ZNF365: variants seen among roughly 807,000 people sequenced by gnomAD.
ZNF365 encodes zinc finger protein 365, also known as protein ZNF365.
In ZNF365, 22 loss-of-function variants were observed where a neutral mutation model predicts 35.0. That is an observed-to-expected ratio of 0.63 (90% confidence interval 0.45 to 0.90). The LOEUF is 0.90. Among genes scored for constraint, ZNF365 ranks in the 40% least tolerant of loss-of-function variants. ZNF365 has a pLI of 0.00. For synonymous variants in ZNF365, 188 were observed against 196.2 expected (o/e 0.96, Z 0.35); for missense variants, 448 against 500.3 (o/e 0.90, Z 1.00).
chr10:62,400,347 T>C lies in ZNF365; in HGVS notation c.*558T>C. 1 of 986,558 alleles carries C rather than the reference T, an allele frequency of 1.0e-6. No homozygotes were observed. The highest frequency in any genetic ancestry group is 1.2e-6 in the Non-Finnish European group (1 of 830,354). The allele number at this position is 986,558 out of a possible 1,614,324, so 61.1% of individuals were successfully genotyped here. On this transcript the variant is annotated 3_prime_UTR_variant, in exon 5 of 5. Coordinates refer to ENST00000395254, the MANE Select transcript of ZNF365 (RefSeq NM_014951.3). ...ATCAAGATTTCAATTTCTGGGTTGC[T>C]CAAGGGACTCGTTCAGTCAGACTTC...
chr10:62,454,882 C>T lies in ZNF365; in HGVS notation c.925-4859C>T, dbSNP rs117924063. 8.7e-3 allele frequency among the ~76,000 whole-genome samples: 1,325 copies of T among 152,146 alleles called. 12 individuals carry two copies. Among genetic ancestry groups the T allele is most frequent in the Non-Finnish European group, 0.014 (923 of 67,990 alleles). On this transcript the variant is annotated intron_variant, in intron 3 of 4. Transcript: ENST00000395255. ...TAGAACAGGCTCTGAGACAGTGGTG[C>T]TGATTGGAGTGGGAGCTCTGAGCTC...
At chr10:62,432,998 T>A (rs1388427176) in intron 3 of ZNF365, among the ~76,000 whole-genome samples, 1 of 152,160 alleles carries the variant, frequency 6.6e-6, no homozygotes, top group Non-Finnish European at 1.5e-5. Flanking sequence ...TAAGGATTTG[T>A]CCACAGCAAA....
chr10:62,454,657 T>G (rs1840734576), intron 3 of ZNF365, among the ~76,000 whole-genome samples: 1 of 151,990 alleles, frequency 6.6e-6, no homozygotes, highest in South Asian at 2.1e-4. Context: ...TTCTGATTTA[T>G]CTAGACTTTC....
chr10:62,407,603 TCC>T (rs986063696), intron 3 of ZNF365, among the ~76,000 whole-genome samples: 9 of 145,986 alleles, frequency 6.2e-5, no homozygotes, highest in African/African-American at 2.5e-4. Flanking sequence ...TCCTCTCCTC[TCC>T]TCACTCGGTG....
At chr10:62,385,726 G>A (rs1839514227) in intron 2 of ZNF365, among the ~76,000 whole-genome samples, 1 of 152,140 alleles carries the variant, frequency 6.6e-6, no homozygotes, top group South Asian at 2.1e-4. Flanking sequence ...TCAATATTGT[G>A]TGTCAAACAC....
In ZNF365 at chr10:62,436,697, T is replaced by C. The variant is rs114065292; in HGVS notation, c.925-23044T>C. Among the ~76,000 whole-genome samples, 1,060 of 152,270 alleles carry C rather than the reference T, an allele frequency of 7.0e-3. 9 individuals carry two copies. The highest frequency in any genetic ancestry group is 0.024 in the African/African-American group (1,017 of 41,534). The stretch of plus-strand genomic sequence containing the variant: ...GCACTTACTAAGTTCCTGCTTCTTG[T>C]TGAGCAGAGCCAATTAACTGAAAAA... On this transcript the variant is annotated intron_variant, in intron 3 of 4. Transcript: ENST00000395255.
Position 62,400,836 on chromosome 10 carries a change from A to G in ZNF365, c.*1047A>G, listed in dbSNP as rs1255532862. On this transcript the variant is annotated 3_prime_UTR_variant, in exon 5 of 5. Transcript: ENST00000395254. ...CTGTGCCCTGTTAAGGGCTTCAGGT[A>G]TCTTTCAACCAAGTATCTGGAGTGT... The G allele has an allele frequency of 1.0e-6, 1 of 985,264 alleles. No individual in the cohort carries two copies. The highest frequency in any genetic ancestry group is 6.2e-5 in the Admixed American group (1 of 16,240). 61.0% of individuals were successfully genotyped at this position (985,264 alleles called of 1,614,324 possible). A position where few individuals can be genotyped will look rare whatever the true frequency, so the allele number is the denominator to read the frequency against.
intron 3 of ZNF365, among the ~76,000 whole-genome samples, chr10:62,429,066 C>T (rs1437889341): frequency 2.6e-5 from 4 of 152,040 alleles, no homozygotes; most frequent in Non-Finnish European, 5.9e-5. Flanking sequence ...CTCCTTGTGC[C>T]TTTGGCCTCT....
At chr10:62,383,221 C>T (rs902343091) in intron 2 of ZNF365, among the ~76,000 whole-genome samples, 5 of 152,154 alleles carry the variant, frequency 3.3e-5, no homozygotes, top group African/African-American at 1.2e-4. Context: ...GGGGTACTTG[C>T]AGACAGTGAA....
intron 4 of ZNF365, among the ~76,000 whole-genome samples, chr10:62,477,377 G>A (rs973819149): frequency 5.9e-5 from 9 of 152,156 alleles, no homozygotes; most frequent in African/African-American, 2.2e-4. Flanking sequence ...AGAAAGTCCA[G>A]GAAAAACTAC....
rs1266402351 is a variant in ZNF365, at chr10:62,400,638, GGTGCATC to G, written c.*860_*866del. ...TGGAATGACAGTGGACTGCACGCTT[GGTGCATC>G]GTGCATCGTGACCATCCTGGAAGCA... On this transcript the variant is annotated 3_prime_UTR_variant, in exon 5 of 5. Transcript: ENST00000395254. 1.0e-6 allele frequency: 1 copy of G among 985,600 alleles called. No homozygotes were observed. The highest frequency in any genetic ancestry group is 6.1e-5 in the Admixed American group (1 of 16,266). The allele number at this position is 985,600 out of a possible 1,614,324, so 61.1% of individuals were successfully genotyped here.
chr10:62,376,536 T>C lies in ZNF365; in HGVS notation c.343T>C (p.Phe115Leu), dbSNP rs781697542. 2.5e-6 allele frequency: 4 copies of C among 1,614,098 alleles called. No individual in the cohort carries two copies. The South Asian group carries it at 4.4e-5, about 18-fold the overall frequency. Residue 115 changes from phenylalanine to leucine, a missense_variant, in exon 2 of 5, where the codon TTT (phenylalanine) becomes CTT (leucine). This residue lies in a region of ZNF365 where 362 missense variants were observed against 375.7 expected (regional missense o/e 0.96). Transcript: ENST00000395254. ...SHEHSKDRKPFEVVAERPVSY... is the reference protein window; with the variant it reads ...SHEHSKDRKPLEVVAERPVSY... ...TGAACATTCCAAGGACAGGAAGCCA[T>C]TTGAGGTGGTGGCAGAGAGGCCTGT...
At chr10:62,467,390 G>C (rs562812270) in intron 4 of ZNF365, among the ~76,000 whole-genome samples, 1 of 152,176 alleles carries the variant, frequency 6.6e-6, no homozygotes, top group African/African-American at 2.4e-5. Flanking sequence ...TCCAGTTAGA[G>C]GGCTGAGTAG....
intron 3 of ZNF365, among the ~76,000 whole-genome samples, chr10:62,443,760 G>T (rs10995158): frequency 1.2e-3 from 179 of 152,258 alleles, no homozygotes; most frequent in African/African-American, 4.0e-3. Flanking sequence ...TGTCCTTTTA[G>T]TTGGTAAATT....
chr10:62,419,671 C>A (rs1425157998), intron 3 of ZNF365, among the ~76,000 whole-genome samples: 1 of 152,082 alleles, frequency 6.6e-6, no homozygotes, highest in African/African-American at 2.4e-5. Context: ...GCAGCAACAG[C>A]AAACAGTTTT....
chr10:62,400,187 C>T lies in ZNF365; in HGVS notation c.*398C>T, dbSNP rs75879212. ...TCTGTGCCCACTGCTCTCCAAAGTGCGAGGCAAGGAATGGCAGTGTAAAGT... is the reference window on the plus strand; with the variant it reads ...TCTGTGCCCACTGCTCTCCAAAGTGTGAGGCAAGGAATGGCAGTGTAAAGT... On this transcript the variant is annotated 3_prime_UTR_variant, in exon 5 of 5. Coordinates refer to ENST00000395254, the MANE Select transcript of ZNF365 (RefSeq NM_014951.3). 4.2e-3 allele frequency: 4,186 copies of T among 1,004,662 alleles called. 143 individuals are homozygous for T. In the African/African-American group the frequency reaches 0.067, roughly 16 times the overall value. 62.2% of individuals were successfully genotyped at this position (1,004,662 alleles called of 1,614,324 possible). A position where few individuals can be genotyped will look rare whatever the true frequency, so the allele number is the denominator to read the frequency against.
intron 3 of ZNF365, among the ~76,000 whole-genome samples, chr10:62,389,459 C>T (rs1280859903): frequency 3.3e-5 from 5 of 149,470 alleles, no homozygotes; most frequent in African/African-American, 1.2e-4. Flanking sequence ...TTACTGCTTC[C>T]ACCCCCGCAG....
At chr10:62,479,961 C>T in exon 5 of ZNF365, 1 of 1,605,940 alleles carries the variant, frequency 6.2e-7, no homozygotes, top group Non-Finnish European at 8.5e-7. Context: ...TTAATTGTGC[C>T]AGAGAAGCTT....
Position 62,376,745 on chromosome 10 carries a change from C to T in ZNF365, c.552C>T (p.Thr184=), listed in dbSNP as rs745928794. ...RTIEKRIDKL[T]KELAQKTAEL... ...TTGAGAAGAGAATTGATAAACTCAC[C>T]AAAGAGTTGGCCCAGAAAACTGCGG... The change falls in exon 2 of 5, where the codon ACC becomes ACT. Residue 184 remains threonine (T), a synonymous_variant. Coordinates refer to ENST00000395254, the MANE Select transcript of ZNF365 (RefSeq NM_014951.3). 3 of 1,614,064 alleles carry T rather than the reference C, an allele frequency of 1.9e-6. No homozygotes were observed. Among genetic ancestry groups the T allele is most frequent in the African/African-American group, 2.7e-5 (2 of 74,920 alleles).
Sources: allele counts gnomAD v4.1 joint callset (sites outside exome capture counted in the v4.1 genomes callset), GRCh38; gene constraint gnomAD v4.1.1; regional missense constraint gnomAD v4.1.1; transcripts MANE v1.5; gene names NCBI Gene and HGNC (gene_info 2026-07-23, HGNC 2026-07-21).